The following LRRC37A2 variants were observed in gnomAD, a reference collection of about 807,000 sequenced individuals.
The protein encoded by LRRC37A2 is leucine-rich repeat-containing protein 37A2.
A neutral mutation model predicts 68.8 loss-of-function variants in LRRC37A2; 9 were observed. The ratio of observed to expected loss-of-function variants is 0.13; its 90% CI spans 0.08 to 0.23. The LOEUF (loss-of-function observed/expected upper bound fraction) is 0.23, where lower values mean the gene tolerates loss of function less well. LRRC37A2 is among the 10% of genes least tolerant of loss of function. LRRC37A2 has a pLI of 1.00. For synonymous variants in LRRC37A2, 63 were observed against 367.6 expected (o/e 0.17, Z 9.48); for missense variants, 168 against 950.4 (o/e 0.18, Z 10.82).
the LRRC37A2 span, among the ~76,000 whole-genome samples, chr17:46,874,278 A>G: frequency 6.6e-6 from 1 of 152,146 alleles, no homozygotes; most frequent in Non-Finnish European, 1.5e-5. Flanking sequence ...CATTGGGTCT[A>G]TTCCACAGTG....
At chr17:47,025,117 T>G in the LRRC37A2 span, among the ~76,000 whole-genome samples, 1 of 152,140 alleles carries the variant, frequency 6.6e-6, no homozygotes, top group African/African-American at 2.4e-5. Context: ...TTAAGAATGG[T>G]TTTTGCATTT....
At chr17:46,791,751 ATCTC>A in the LRRC37A2 span, among the ~76,000 whole-genome samples, 1 of 152,108 alleles carries the variant, frequency 6.6e-6, no homozygotes. Flanking sequence ...AAAAGATAAA[ATCTC>A]TCTCTCTGGC....
chr17:46,855,369 T>C, the LRRC37A2 span, among the ~76,000 whole-genome samples: 2 of 152,166 alleles, frequency 1.3e-5, no homozygotes, highest in Non-Finnish European at 2.9e-5. Context: ...GACTGTCAGT[T>C]TGGCTCACAG....
At chr17:46,883,984 C>A in the LRRC37A2 span, among the ~76,000 whole-genome samples, 6 of 152,190 alleles carry the variant, frequency 3.9e-5, no homozygotes, top group African/African-American at 1.4e-4. Context: ...GGGAGCTGAG[C>A]CCCTACCCCT....
the LRRC37A2 span, among the ~76,000 whole-genome samples, chr17:46,744,030 G>A: frequency 1.1e-4 from 16 of 152,038 alleles, no homozygotes; most frequent in Non-Finnish European, 1.6e-4. Flanking sequence ...TGTTGTCATT[G>A]TCTTTGCAGT....
the LRRC37A2 span, among the ~76,000 whole-genome samples, chr17:46,730,227 C>G: frequency 6.6e-6 from 1 of 152,092 alleles, no homozygotes; most frequent in African/African-American, 2.4e-5. Flanking sequence ...CACAAAAAAA[C>G]TTTATGTCAG....
the LRRC37A2 span, among the ~76,000 whole-genome samples, chr17:46,817,327 C>A: frequency 6.6e-6 from 1 of 152,244 alleles, no homozygotes; most frequent in Non-Finnish European, 1.5e-5. Flanking sequence ...CCGGGGGCCA[C>A]AGCCCACTTC....
the LRRC37A2 span, among the ~76,000 whole-genome samples, chr17:46,823,526 C>T: frequency 6.6e-6 from 1 of 151,940 alleles, no homozygotes; most frequent in Non-Finnish European, 1.5e-5. Context: ...GCAACCTCCA[C>T]CTCCCCATAT....
At chr17:47,001,815 A>T in the LRRC37A2 span, among the ~76,000 whole-genome samples, 2 of 138,502 alleles carry the variant, frequency 1.4e-5, no homozygotes, top group Non-Finnish European at 3.0e-5. Flanking sequence ...TCCGCCTCCC[A>T]GGTTCAACAG....
chr17:46,826,730 G>A, the LRRC37A2 span, among the ~76,000 whole-genome samples: 1 of 151,076 alleles, frequency 6.6e-6, no homozygotes, highest in South Asian at 2.1e-4. Context: ...CCTGGGACAT[G>A]TAAAATGATC....
the LRRC37A2 span, among the ~76,000 whole-genome samples, chr17:46,795,751 G>C: frequency 1.1e-4 from 17 of 152,254 alleles, no homozygotes; most frequent in East Asian, 3.3e-3. Context: ...GCCCCACCCG[G>C]GGATCTCTGT....
At chr17:46,896,452 A>AAGAAAGAAAGAAAGAG in the LRRC37A2 span, among the ~76,000 whole-genome samples, 2 of 65,834 alleles carry the variant, frequency 3.0e-5, no homozygotes, top group Non-Finnish European at 6.4e-5. Context: ...GAAAGAAAGA[A>AAGAAAGAAAGAAAGAG]AAAGAAAGAA....
chr17:46,995,338 T>C, the LRRC37A2 span, among the ~76,000 whole-genome samples: 41 of 152,354 alleles, frequency 2.7e-4, 1 homozygote, highest in South Asian at 8.3e-3. Context: ...CTGCCTTGTG[T>C]CATAATTTGA....
At chr17:46,978,845 G>A in the LRRC37A2 span, 2 of 1,597,116 alleles carry the variant, frequency 1.3e-6, no homozygotes, top group Non-Finnish European at 1.7e-6. Flanking sequence ...TCGGGCGCCA[G>A]CCCCGCGGGG....
chr17:46,836,237 A>G, the LRRC37A2 span, among the ~76,000 whole-genome samples: 1 of 151,888 alleles, frequency 6.6e-6, no homozygotes, highest in Non-Finnish European at 1.5e-5. Flanking sequence ...AGCAGCCAAA[A>G]GAGTGCGGAG....
chr17:46,770,469 C>G, the LRRC37A2 span, among the ~76,000 whole-genome samples: 222 of 152,304 alleles, frequency 1.5e-3, 1 homozygote, highest in African/African-American at 5.2e-3. Context: ...TGAGTGAGAT[C>G]CAGGTCTGTA....
At chr17:46,837,838 A>G in the LRRC37A2 span, among the ~76,000 whole-genome samples, 2 of 152,196 alleles carry the variant, frequency 1.3e-5, no homozygotes, top group African/African-American at 4.8e-5. Flanking sequence ...AGGTTACACC[A>G]CATATGAGGA....
chr17:46,717,451 G>A, the LRRC37A2 span, among the ~76,000 whole-genome samples: 14 of 152,106 alleles, frequency 9.2e-5, no homozygotes, highest in African/African-American at 3.1e-4. Flanking sequence ...AGTGGTTCAC[G>A]CCTGTAATCC....
chr17:47,012,884 A>G, the LRRC37A2 span, among the ~76,000 whole-genome samples: 3 of 152,250 alleles, frequency 2.0e-5, no homozygotes, highest in Non-Finnish European at 4.4e-5. Context: ...ATGAAAACAT[A>G]TATCCACACA....
Sources: allele counts gnomAD v4.1 joint callset (sites outside exome capture counted in the v4.1 genomes callset), GRCh38; gene constraint gnomAD v4.1.1; transcripts MANE v1.5; gene names NCBI Gene and HGNC (gene_info 2026-07-23, HGNC 2026-07-21).